ATOH1: variants seen among roughly 807,000 people sequenced by gnomAD.
The protein encoded by ATOH1 is transcription factor ATOH1.
Under a neutral mutation model 20.7 loss-of-function variants are expected in ATOH1, and 9 were observed. That is an observed-to-expected ratio of 0.44 (90% CI 0.26 to 0.76). The LOEUF (loss-of-function observed/expected upper bound fraction) is 0.76. Ranked by LOEUF, ATOH1 falls within the 30% of genes least tolerant of loss-of-function variation. The pLI is 0.20. For missense variants in ATOH1, 516 were observed against 479.3 expected, an observed-to-expected ratio of 1.08 and a Z score of -0.71; for synonymous variants, 247 against 214.3, an observed-to-expected ratio of 1.15 and a Z score of -1.33.
At position 93,829,804 on chromosome 4, in the gene ATOH1, A is replaced by G. The variant is rs750699452; in HGVS notation, c.878A>G (p.His293Arg). ...GGYSVQLDAL[H>R]FSTFEDSALT... Reference sequence around the variant, plus strand: ...TACTCGGTGCAGCTGGACGCTCTGCACTTCTCGACTTTCGAGGACAGCGCC... The same window carrying G: ...TACTCGGTGCAGCTGGACGCTCTGCGCTTCTCGACTTTCGAGGACAGCGCC... The change falls in exon 1 of 1, where the codon CAC (histidine) becomes CGC (arginine). Residue 293 changes from histidine to arginine, a missense_variant. His to Arg is a conservative substitution (Grantham distance 29). Transcript: ENST00000306011. The surrounding 1 kb of genome is among the most constrained non-coding windows in gnomAD (Gnocchi z 4.5). The G allele has an allele frequency of 5.0e-6, 8 of 1,613,596 alleles. No individual in the cohort carries two copies. The Admixed American group carries it at 5.0e-5, about 10-fold the overall frequency.
chr4:93,828,903 G>A lies in ATOH1; in HGVS notation c.-24G>A. On this transcript the variant is annotated 5_prime_UTR_variant, in exon 1 of 1. Coordinates refer to ENST00000306011, the MANE Select transcript of ATOH1 (RefSeq NM_005172.2). ...GTGTCCCAGTGCTGCCTCCGATCCTGAGCCTCCGAGCCTTTGCAGTGCAAT... is the reference window on the plus strand; with the variant it reads ...GTGTCCCAGTGCTGCCTCCGATCCTAAGCCTCCGAGCCTTTGCAGTGCAAT... 1 of 1,550,092 alleles carries A rather than the reference G, an allele frequency of 6.5e-7. No individual in the cohort carries two copies.
rs745854214 is a variant in ATOH1, at chr4:93,829,178, C to T, written c.252C>T (p.Ser84=). The part of the protein sequence containing the change: ...TARAAQYLLH[S]PELGASEAAA... ...GCGCCGCCCAGTATTTGCTACATTC[C>T]CCGGAGCTGGGTGCCTCAGAGGCCG... The change falls in exon 1 of 1, where the codon TCC becomes TCT. Residue 84 remains serine, a synonymous_variant. Transcript: ENST00000306011. This position sits in a 1 kb window ranked among gnomAD's most constrained non-coding sequence, Gnocchi z 4.5. 3 of 1,587,996 alleles carry T rather than the reference C, an allele frequency of 1.9e-6. No individual in the cohort carries two copies. The highest frequency in any genetic ancestry group is 2.6e-6 in the Non-Finnish European group (3 of 1,166,030).
At position 93,829,961 on chromosome 4, in the gene ATOH1, C is replaced by G; in HGVS notation, c.1035C>G (p.Ser345=). Residue 345 remains serine (S), a synonymous_variant, in exon 1 of 1, where the codon TCC becomes TCG. Coordinates refer to ENST00000306011, the MANE Select transcript of ATOH1 (RefSeq NM_005172.2). The surrounding 1 kb of genome is among the most constrained non-coding windows in gnomAD (Gnocchi z 4.5). ...GCGACGGGGAATTTTCCCCCCATTCCCATTACAGTGACTCGGATGAGGCAA... is the reference window on the plus strand; with the variant it reads ...GCGACGGGGAATTTTCCCCCCATTCGCATTACAGTGACTCGGATGAGGCAA... The part of the protein sequence containing the change: ...HRSDGEFSPH[S]HYSDSDEAS 6.2e-7 allele frequency: 1 copy of G among 1,607,750 alleles called. No homozygotes were observed. Among genetic ancestry groups the G allele is most frequent in the Non-Finnish European group, 8.5e-7 (1 of 1,176,734 alleles).
rs776038071 is a variant in ATOH1 at position 93,829,289 on chromosome 4, G to A, written c.363G>A (p.Pro121=). Residue 121 remains proline, a synonymous_variant, in exon 1 of 1, where the codon CCG becomes CCA. Transcript: ENST00000306011. This position sits in a 1 kb window ranked among gnomAD's most constrained non-coding sequence, Gnocchi z 4.5. ...CCAGCAGCAGCAAGAGCCCCGGGCCGGTGAAAGTGCGGGAACAGCTGTGCA... is the reference window on the plus strand; with the variant it reads ...CCAGCAGCAGCAAGAGCCCCGGGCCAGTGAAAGTGCGGGAACAGCTGTGCA... ...GGASSSKSPG[P]VKVREQLCKL... 6.2e-7 allele frequency: 1 copy of A among 1,610,198 alleles called. No individual in the cohort carries two copies.
Position 93,829,923 on chromosome 4 carries a change from C to A in ATOH1, c.997C>A (p.Arg333=), listed in dbSNP as rs892241315. 1 of 1,614,008 alleles carries A rather than the reference C, an allele frequency of 6.2e-7. No individual in the cohort carries two copies. Among genetic ancestry groups the A allele is most frequent in the Non-Finnish European group, 8.5e-7 (1 of 1,179,936 alleles). Residue 333 remains arginine, a synonymous_variant, in exon 1 of 1, where the codon CGG becomes AGG. Coordinates refer to ENST00000306011, the MANE Select transcript of ATOH1 (RefSeq NM_005172.2). The surrounding 1 kb of genome is among the most constrained non-coding windows in gnomAD (Gnocchi z 4.5). ...VQEENSKTSP[R]SHRSDGEFSP... ...GGAGGAAAACAGCAAAACTTCGCCT[C>A]GGTCCCACAGAAGCGACGGGGAATT...
Position 93,830,056 on chromosome 4 carries a change from C to T in ATOH1, c.*65C>T. On this transcript the variant is annotated 3_prime_UTR_variant, in exon 1 of 1. Transcript: ENST00000306011. ...CTGCCCTTTCCCAGTGCGCGGGAAG[C>T]CCCGCGGTTAAAGATCCCCGCACCC... is the stretch of plus-strand genomic sequence containing the variant. 1.3e-6 allele frequency: 2 copies of T among 1,514,218 alleles called. No individual in the cohort carries two copies. Among genetic ancestry groups the T allele is most frequent in the Non-Finnish European group, 1.8e-6 (2 of 1,134,668 alleles). 93.8% of individuals were successfully genotyped at this position (1,514,218 alleles called of 1,614,324 possible). A position where few individuals can be genotyped will look rare whatever the true frequency, so the allele number is the denominator to read the frequency against.
At position 93,830,782 on chromosome 4, in the gene ATOH1, G is replaced by T. The variant is rs1735429842; in HGVS notation, c.*791G>T. On this transcript the variant is annotated 3_prime_UTR_variant, in exon 1 of 1. Transcript: ENST00000306011. Reference sequence around the variant, plus strand: ...AATCTAGTAGTGTCAAACGCATTTGGTCAATTTTATTTTGCTTTGTTAATA... The same window carrying T: ...AATCTAGTAGTGTCAAACGCATTTGTTCAATTTTATTTTGCTTTGTTAATA... The T allele has an allele frequency of 6.0e-6, 1 of 166,398 alleles. No homozygotes were observed. The highest frequency in any genetic ancestry group is 1.5e-5 in the Non-Finnish European group (1 of 68,004). The allele number at this position is 166,398 out of a possible 1,614,324, so 10.3% of individuals were successfully genotyped here.
In ATOH1 at chr4:93,829,483, T is replaced by A; in HGVS notation, c.557T>A (p.Ile186Asn). 1.2e-6 allele frequency: 2 copies of A among 1,614,258 alleles called. No individual in the cohort carries two copies. The highest frequency in any genetic ancestry group is 1.7e-6 in the Non-Finnish European group (2 of 1,180,046). ...GCCTTCGACCAGCTGCGCAATGTTA[T>A]CCCGTCGTTCAACAACGACAAGAAG... is the stretch of plus-strand genomic sequence containing the variant. Reference protein sequence around the residue: ...NHAFDQLRNVIPSFNNDKKLS... With the variant: ...NHAFDQLRNVNPSFNNDKKLS... Residue 186 changes from isoleucine to asparagine, a missense_variant, in exon 1 of 1, where the codon ATC becomes AAC. By Grantham distance (149) the Ile-to-Asn change is moderately radical. Coordinates refer to ENST00000306011, the MANE Select transcript of ATOH1 (RefSeq NM_005172.2). This position sits in a 1 kb window ranked among gnomAD's most constrained non-coding sequence, Gnocchi z 4.5.
rs763102271 is a variant in ATOH1, at chr4:93,829,681, C to T, written c.755C>T (p.Thr252Ile). Residue 252 changes from threonine to isoleucine, a missense_variant, in exon 1 of 1, where the codon ACC (threonine) becomes ATC (isoleucine). By Grantham distance (89) the Thr-to-Ile change is moderately conservative. Coordinates refer to ENST00000306011, the MANE Select transcript of ATOH1 (RefSeq NM_005172.2). This position sits in a 1 kb window ranked among gnomAD's most constrained non-coding sequence, Gnocchi z 4.5. ...TATGAAGGGGGCGCGGGCAACGCGA[C>T]CGCAGCTGGGGCTCAGCAGGCTTCC... ...ASYEGGAGNA[T>I]AAGAQQASGG... 1.9e-6 allele frequency: 3 copies of T among 1,570,596 alleles called. No individual in the cohort carries two copies. Among genetic ancestry groups the T allele is most frequent in the Non-Finnish European group, 2.6e-6 (3 of 1,160,266 alleles).
Position 93,828,762 on chromosome 4 carries a change from T to C in ATOH1, c.-165T>C, listed in dbSNP as rs755080142. On this transcript the variant is annotated 5_prime_UTR_variant, in exon 1 of 1. Coordinates refer to ENST00000306011, the MANE Select transcript of ATOH1 (RefSeq NM_005172.2). ...AGCGCCTTCAGCAACCGGAGAAGCA[T>C]AGTTGCACGCGACCTGGTGTGTGAT... The C allele has an allele frequency of 2.4e-5, 17 of 704,258 alleles. No individual in the cohort carries two copies. Among genetic ancestry groups the C allele is most frequent in the Middle Eastern group, 4.2e-4 (1 of 2,374 alleles). 43.6% of individuals were successfully genotyped at this position (704,258 alleles called of 1,614,324 possible). A position where few individuals can be genotyped will look rare whatever the true frequency, so the allele number is the denominator to read the frequency against.
rs1735392930 is a variant in ATOH1 at position 93,829,230 on chromosome 4, CG to C, written c.310del (p.Glu104SerfsTer3). Reference sequence around the variant, plus strand: ...TGCGCCCCGGGACGAGGTGGACGGCCGGGGGGAGCTGGTAAGGAGGAGCAGC... The same window carrying C: ...TGCGCCCCGGGACGAGGTGGACGGCCGGGGGAGCTGGTAAGGAGGAGCAGC... ...AAAPRDEVDGRGELVRRSSGG... is the reference protein window; with the variant it reads ...AAAPRDEVDGXGELVRRSSGG... On this transcript the variant is annotated frameshift_variant, in exon 1 of 1. Coordinates refer to ENST00000306011, the MANE Select transcript of ATOH1 (RefSeq NM_005172.2). LOFTEE classifies it high-confidence loss of function. The surrounding 1 kb of genome is among the most constrained non-coding windows in gnomAD (Gnocchi z 4.5). 6 of 1,588,326 alleles carry C rather than the reference CG, an allele frequency of 3.8e-6. No individual in the cohort carries two copies. Among genetic ancestry groups the C allele is most frequent in the Admixed American group, 1.7e-5 (1 of 58,430 alleles).
chr4:93,828,799 T>C lies in ATOH1; in HGVS notation c.-128T>C, dbSNP rs1578813300. 3.9e-6 allele frequency: 4 copies of C among 1,031,558 alleles called. No homozygotes were observed. The highest frequency in any genetic ancestry group is 3.4e-5 in the African/African-American group (2 of 59,070). 63.9% of individuals were successfully genotyped at this position (1,031,558 alleles called of 1,614,324 possible). ...ACCTGGTGTGTGATCTCCGAGTGGG[T>C]GGGGGAGGGTCGAGGAGGGAAAAAA... is the stretch of plus-strand genomic sequence containing the variant. On this transcript the variant is annotated 5_prime_UTR_variant, in exon 1 of 1. Coordinates refer to ENST00000306011, the MANE Select transcript of ATOH1 (RefSeq NM_005172.2).
In ATOH1 at chr4:93,828,847, C is replaced by T; in HGVS notation, c.-80C>T. The T allele has an allele frequency of 4.1e-6, 6 of 1,446,498 alleles. No individual in the cohort carries two copies. The South Asian group carries it at 5.8e-5, about 14-fold the overall frequency. The allele number at this position is 1,446,498 out of a possible 1,614,324, so 89.6% of individuals were successfully genotyped here. ...AAAAAATAAGACGTTGCAGAAGAGA[C>T]CCGGAAAGGGCCTTTTTTTTGGTTG... On this transcript the variant is annotated 5_prime_UTR_variant, in exon 1 of 1. Coordinates refer to ENST00000306011, the MANE Select transcript of ATOH1 (RefSeq NM_005172.2).
chr4:93,828,987 C>G lies in ATOH1; in HGVS notation c.61C>G (p.Arg21Gly). Residue 21 changes from arginine to glycine, a missense_variant, in exon 1 of 1, where the codon CGC becomes GGC. Coordinates refer to ENST00000306011, the MANE Select transcript of ATOH1 (RefSeq NM_005172.2). ...AGTGAAGGAGTTGGGAGACCACCAT[C>G]GCCAGCCCCAGCCGCATCATCTCCC... ...AEVKELGDHH[R>G]QPQPHHLPQP... The G allele has an allele frequency of 6.2e-7, 1 of 1,612,848 alleles. No homozygotes were observed. Among genetic ancestry groups the G allele is most frequent in the African/African-American group, 1.3e-5 (1 of 75,054 alleles).
In ATOH1 at chr4:93,830,080, C is replaced by T; in HGVS notation, c.*89C>T. The stretch of plus-strand genomic sequence containing the variant: ...GCCCCGCGGTTAAAGATCCCCGCAC[C>T]CTTTAATTTTTGCTCTGCGATGGTC... On this transcript the variant is annotated 3_prime_UTR_variant, in exon 1 of 1. Coordinates refer to ENST00000306011, the MANE Select transcript of ATOH1 (RefSeq NM_005172.2). The T allele has an allele frequency of 6.8e-7, 1 of 1,480,692 alleles. No individual in the cohort carries two copies. The highest frequency in any genetic ancestry group is 1.5e-5 in the South Asian group (1 of 68,924). 91.7% of individuals were successfully genotyped at this position (1,480,692 alleles called of 1,614,324 possible). A position where few individuals can be genotyped will look rare whatever the true frequency, so the allele number is the denominator to read the frequency against.
At position 93,829,471 on chromosome 4, in the gene ATOH1, T is replaced by C. The variant is rs1052248211; in HGVS notation, c.545T>C (p.Leu182Pro). The C allele has an allele frequency of 6.2e-7, 1 of 1,614,240 alleles. No homozygotes were observed. The highest frequency in any genetic ancestry group is 2.2e-5 in the East Asian group (1 of 44,872). ...GGGCTGAACCACGCCTTCGACCAGC[T>C]GCGCAATGTTATCCCGTCGTTCAAC... ...MHGLNHAFDQ[L>P]RNVIPSFNND... The change falls in exon 1 of 1, where the codon CTG (leucine) becomes CCG (proline). Residue 182 changes from leucine to proline, a missense_variant. Transcript: ENST00000306011. This position sits in a 1 kb window ranked among gnomAD's most constrained non-coding sequence, Gnocchi z 4.5.
Position 93,829,185 on chromosome 4 carries a change from C to G in ATOH1, c.259C>G (p.Leu87Val), listed in dbSNP as rs896253583. ...AAQYLLHSPELGASEAAAPRD... is the reference protein window; with the variant it reads ...AAQYLLHSPEVGASEAAAPRD... The stretch of plus-strand genomic sequence containing the variant: ...CCAGTATTTGCTACATTCCCCGGAG[C>G]TGGGTGCCTCAGAGGCCGCTGCGCC... Residue 87 changes from leucine to valine, a missense_variant, in exon 1 of 1, where the codon CTG (leucine) becomes GTG (valine). Coordinates refer to ENST00000306011, the MANE Select transcript of ATOH1 (RefSeq NM_005172.2). This position sits in a 1 kb window ranked among gnomAD's most constrained non-coding sequence, Gnocchi z 4.5. 5 of 1,586,506 alleles carry G rather than the reference C, an allele frequency of 3.2e-6. No individual in the cohort carries two copies. Among genetic ancestry groups the G allele is most frequent in the African/African-American group, 1.3e-5 (1 of 74,346 alleles).
At position 93,830,769 on chromosome 4, in the gene ATOH1, T is replaced by C. The variant is rs1228887036; in HGVS notation, c.*778T>C. ...AAAAATTAAAAAAAATCTAGTAGTG[T>C]CAAACGCATTTGGTCAATTTTATTT... On this transcript the variant is annotated 3_prime_UTR_variant, in exon 1 of 1. Transcript: ENST00000306011. 1 of 167,066 alleles carries C rather than the reference T, an allele frequency of 6.0e-6. No individual in the cohort carries two copies. Among genetic ancestry groups the C allele is most frequent in the Non-Finnish European group, 1.5e-5 (1 of 68,130 alleles). The allele number at this position is 167,066 out of a possible 1,614,324, so 10.3% of individuals were successfully genotyped here.
chr4:93,830,285 G>C lies in ATOH1; in HGVS notation c.*294G>C, dbSNP rs72877870. 13,035 of 346,290 alleles carry C rather than the reference G, an allele frequency of 0.038. 1,567 individuals are homozygous for C. Among genetic ancestry groups the C allele is most frequent in the African/African-American group, 0.25 (11,740 of 46,736 alleles). 21.5% of individuals were successfully genotyped at this position (346,290 alleles called of 1,614,324 possible). A position where few individuals can be genotyped will look rare whatever the true frequency, so the allele number is the denominator to read the frequency against. ...AGATACGGTATAATTGTAGGTACCC[G>C]TATATGGCATCATTATTCTAGTTCC... On this transcript the variant is annotated 3_prime_UTR_variant, in exon 1 of 1. Transcript: ENST00000306011.
Sources: allele counts gnomAD v4.1 joint callset, GRCh38; gene constraint gnomAD v4.1.1; non-coding constraint Gnocchi (gnomAD v3.1); transcripts MANE v1.5; gene names NCBI Gene and HGNC (gene_info 2026-07-23, HGNC 2026-07-21).